JMJD1C: variants seen among roughly 807,000 people sequenced by gnomAD.
The protein encoded by JMJD1C is jumonji domain-containing protein 1C.
In JMJD1C, 31 loss-of-function variants were observed where a neutral mutation model predicts 245.3. The ratio of observed to expected loss-of-function variants is 0.13; its 90% confidence interval spans 0.09 to 0.17. The LOEUF (loss-of-function observed/expected upper bound fraction) is 0.17, where lower values mean the gene tolerates loss of function less well. Ranked by LOEUF, JMJD1C falls within the 10% of genes least tolerant of loss-of-function variation. JMJD1C has a pLI of 1.00. For synonymous variants in JMJD1C, 1,057 were observed against 1,017.4 expected (o/e 1.04, Z -0.74); for missense variants, 2,691 against 3,000.2 (o/e 0.90, Z 2.41).
At chr10:63,441,080 G>C (rs1951356320) in intron 1 of JMJD1C, among the ~76,000 whole-genome samples, 1 of 152,118 alleles carries the variant, frequency 6.6e-6, no homozygotes, top group Non-Finnish European at 1.5e-5. Flanking sequence ...AGGTGTAAAG[G>C]CAAAGGGATT....
intron 2 of JMJD1C, among the ~76,000 whole-genome samples, chr10:63,376,585 C>A (rs1024378474): frequency 6.6e-6 from 1 of 151,914 alleles, no homozygotes; most frequent in South Asian, 2.1e-4. Flanking sequence ...CCAAAAAAAA[C>A]AAATGATCCA....
chr10:63,180,139 C>T (rs1349686253), intron 22 of JMJD1C, among the ~76,000 whole-genome samples: 1 of 152,174 alleles, frequency 6.6e-6, no homozygotes, highest in East Asian at 1.9e-4. Flanking sequence ...TCCCAAGTAG[C>T]TGGGACTACA....
At chr10:63,300,199 T>A (rs2133986012) in intron 2 of JMJD1C, among the ~76,000 whole-genome samples, 1 of 152,314 alleles carries the variant, frequency 6.6e-6, no homozygotes, top group East Asian at 1.9e-4. Flanking sequence ...AAAGCCTGAT[T>A]ACAGTACTAG....
intron 1 of JMJD1C, among the ~76,000 whole-genome samples, chr10:63,429,352 A>G (rs924564139): frequency 6.6e-6 from 1 of 152,158 alleles, no homozygotes; most frequent in Non-Finnish European, 1.5e-5. Flanking sequence ...GGAAGAAGAA[A>G]AAAAAAAGAC....
chr10:63,358,604 T>G (rs1006625661), intron 2 of JMJD1C: 2 of 152,110 alleles, frequency 1.3e-5, no homozygotes, highest in African/African-American at 4.8e-5. Context: ...CTCAGTAATA[T>G]GGTTTTTATT....
intron 2 of JMJD1C, among the ~76,000 whole-genome samples, chr10:63,324,039 C>CTTT (rs71463513): frequency 2.9e-5 from 4 of 136,124 alleles, no homozygotes; most frequent in Non-Finnish European, 6.3e-5. Flanking sequence ...CTTCGTCTGC[C>CTTT]TTTTTTTTTT....
chr10:63,504,955 T>C (rs1340521353), intron 1 of JMJD1C, among the ~76,000 whole-genome samples: 1 of 151,504 alleles, frequency 6.6e-6, no homozygotes, highest in African/African-American at 2.4e-5. Flanking sequence ...GAGTTTGAGG[T>C]GAGCTATGAT....
intron 1 of JMJD1C, among the ~76,000 whole-genome samples, chr10:63,400,585 T>C (rs560999476): frequency 6.6e-6 from 1 of 152,094 alleles, no homozygotes; most frequent in Admixed American, 6.6e-5. Flanking sequence ...GGCCCCGAGA[T>C]GGAGTCCTGC....
intron 2 of JMJD1C, among the ~76,000 whole-genome samples, chr10:63,363,179 G>A (rs1945534869): frequency 6.6e-6 from 1 of 151,876 alleles, no homozygotes; most frequent in African/African-American, 2.4e-5. Context: ...TACTGTAAGT[G>A]GTGAAGAGGT....
At chr10:63,246,974 A>AT (rs1230117181) in intron 3 of JMJD1C, among the ~76,000 whole-genome samples, 3 of 152,064 alleles carry the variant, frequency 2.0e-5, no homozygotes, top group African/African-American at 7.2e-5. Context: ...ATAAACATCT[A>AT]TATTTAAAAA....
intron 2 of JMJD1C, among the ~76,000 whole-genome samples, chr10:63,320,901 T>C (rs1323449096): frequency 6.6e-6 from 1 of 152,056 alleles, no homozygotes; most frequent in African/African-American, 2.4e-5. Flanking sequence ...GAACCAACCA[T>C]GTGTTTAGAG....
chr10:63,484,263 T>C (rs1055283672), intron 1 of JMJD1C, among the ~76,000 whole-genome samples: 4 of 146,590 alleles, frequency 2.7e-5, no homozygotes, highest in African/African-American at 5.1e-5. Flanking sequence ...GATAGATAGA[T>C]AGATAGATAA....
intron 1 of JMJD1C, among the ~76,000 whole-genome samples, chr10:63,462,219 C>CA (rs1245828774): frequency 3.9e-5 from 6 of 152,144 alleles, no homozygotes; most frequent in African/African-American, 1.4e-4. Flanking sequence ...AAAAGGTTCT[C>CA]ACGCCATATT....
intron 2 of JMJD1C, among the ~76,000 whole-genome samples, chr10:63,297,425 G>A (rs1163259010): frequency 1.3e-5 from 2 of 152,214 alleles, no homozygotes; most frequent in Non-Finnish European, 2.9e-5. Flanking sequence ...CCTCTCCGCT[G>A]AGAGCTGTTC....
chr10:63,432,696 G>C (rs1195581503), intron 1 of JMJD1C, among the ~76,000 whole-genome samples: 3 of 151,996 alleles, frequency 2.0e-5, no homozygotes, highest in African/African-American at 7.3e-5. Flanking sequence ...TTGGCATTGA[G>C]GAAAAAATAC....
At chr10:63,228,231 A>C (rs1425185537) in intron 3 of JMJD1C, among the ~76,000 whole-genome samples, 1 of 152,240 alleles carries the variant, frequency 6.6e-6, no homozygotes, top group East Asian at 1.9e-4. Context: ...ATAAAAATAC[A>C]TAAATGAATG....
At chr10:63,183,877 G>C (rs1843775976) in intron 21 of JMJD1C, among the ~76,000 whole-genome samples, 1 of 152,186 alleles carries the variant, frequency 6.6e-6, no homozygotes, top group Non-Finnish European at 1.5e-5. Context: ...GGTTTCGATG[G>C]ATTAAAGGAA....
intron 1 of JMJD1C, among the ~76,000 whole-genome samples, chr10:63,426,896 T>C (rs548944326): frequency 1.1e-3 from 163 of 152,340 alleles, no homozygotes; most frequent in Non-Finnish European, 1.6e-3. Flanking sequence ...ATTACTGATT[T>C]AGCATAGTTA....
At chr10:63,399,103 AAGC>A (rs1217155897) in intron 1 of JMJD1C, among the ~76,000 whole-genome samples, 1 of 152,200 alleles carries the variant, frequency 6.6e-6, no homozygotes, top group Non-Finnish European at 1.5e-5. Context: ...TTTTTAGGGA[AAGC>A]ATCATAAACT....
Sources: gnomAD v4.1 joint callset for allele counts (sites outside exome capture counted in the v4.1 genomes callset) on GRCh38, gnomAD v4.1.1 for gene constraint, MANE v1.5 for transcripts, NCBI Gene and HGNC (gene_info 2026-07-23, HGNC 2026-07-21) for gene names.